Variants in STK11 observed in about 807,000 individuals in gnomAD.
STK11 encodes the protein serine/threonine kinase 11.
Under a neutral mutation model 47.3 loss-of-function variants are expected in STK11, and 8 were observed. That is an observed-to-expected ratio of 0.17 (90% CI 0.10 to 0.31). The LOEUF is 0.31. Among genes scored for constraint, STK11 ranks in the 10% least tolerant of loss-of-function variants. The pLI, the probability that STK11 is intolerant of heterozygous loss-of-function variation, is 1.00. For missense variants in STK11, 475 were observed against 605.0 expected (o/e 0.79, Z 2.25); for synonymous variants, 330 against 255.8 (o/e 1.29, Z -2.77).
chr19:1,224,150 TACAGTGTGGGGGCCCCCGAGAGC>T (rs1480713160), intron 8 of STK11: 3 of 986,154 alleles, frequency 3.0e-6, no homozygotes, highest in Admixed American at 6.2e-5. Context: ...CCCAGGAGAG[TACAGTGTGGGGGCCCCCGAGAGC>T]ACAGTGTATG....
rs562812784 is a variant in STK11 at position 1,222,266 on chromosome 19, G to A, written c.920+260G>A. Among the ~76,000 whole-genome samples, 186 of 152,334 alleles carry A rather than the reference G, an allele frequency of 1.2e-3. 1 individual carries two copies. The highest frequency in any genetic ancestry group is 2.0e-3 in the Non-Finnish European group (138 of 68,014). On this transcript the variant is annotated intron_variant, in intron 7 of 9. Coordinates refer to ENST00000326873, the MANE Select transcript of STK11 (RefSeq NM_000455.5). The stretch of plus-strand genomic sequence containing the variant: ...GTCCCTGCCCTAGGCATGGAGATGC[G>A]CCAGGAAGGGCACAGCTGGTCCCAA...
intron 1 of STK11, among the ~76,000 whole-genome samples, chr19:1,217,995 T>C (rs569755956): frequency 3.3e-5 from 5 of 152,050 alleles, no homozygotes; most frequent in Non-Finnish European, 5.9e-5. Context: ...TACAAAAAAA[T>C]TAGCCGGCTG....
intron 1 of STK11, among the ~76,000 whole-genome samples, chr19:1,215,003 G>A (rs2080735951): frequency 6.6e-6 from 1 of 152,234 alleles, no homozygotes; most frequent in Non-Finnish European, 1.5e-5. Flanking sequence ...TAGAAGGCAA[G>A]TCTTGCCTCC....
At chr19:1,213,530 C>T (rs1054805386) in intron 1 of STK11, among the ~76,000 whole-genome samples, 3 of 152,244 alleles carry the variant, frequency 2.0e-5, no homozygotes, top group African/African-American at 7.2e-5. Flanking sequence ...CACCGCGTGG[C>T]CTTTTGCGTC....
At chr19:1,218,982 G>A (rs1426857729) in intron 2 of STK11, among the ~76,000 whole-genome samples, 1 of 152,158 alleles carries the variant, frequency 6.6e-6, no homozygotes, top group Non-Finnish European at 1.5e-5. Flanking sequence ...TGAGCCACGC[G>A]GTCAGGGGCC....
Position 1,228,138 on chromosome 19 carries a change from G to A in STK11, c.*562G>A, listed in dbSNP as rs2080841441. 9.4e-6 allele frequency: 10 copies of A among 1,065,146 alleles called. No homozygotes were observed. The South Asian group carries it at 2.3e-4, about 24-fold the overall frequency. The allele number at this position is 1,065,146 out of a possible 1,614,324, so 66.0% of individuals were successfully genotyped here. ...TGTTTGGGAGCTGCTGGGTGGCAGG[G>A]GGGCTGTGGGGTCGGGCTCACGTCG... On this transcript the variant is annotated 3_prime_UTR_variant, in exon 10 of 10. Coordinates refer to ENST00000326873, the MANE Select transcript of STK11 (RefSeq NM_000455.5).
intron 1 of STK11, among the ~76,000 whole-genome samples, chr19:1,208,793 T>G (rs2080688686): frequency 6.7e-6 from 1 of 148,780 alleles, no homozygotes; most frequent in Non-Finnish European, 1.5e-5. Flanking sequence ...AATTTTTTTT[T>G]TTTTTTTTTA....
At chr19:1,222,875 C>T (rs2080794801) in intron 7 of STK11, 110 bp from the exon 8 acceptor site, 2 of 1,301,364 alleles carry the variant, frequency 1.5e-6, no homozygotes, top group Admixed American at 2.6e-5. Flanking sequence ...ACGGCCTGGT[C>T]CCAGCTCCTG....
rs567461981 is a variant in STK11, at chr19:1,227,150, G to A, written c.*17-443G>A. 605 of 164,626 alleles carry A rather than the reference G, an allele frequency of 3.7e-3. 1 individual carries two copies. Among genetic ancestry groups the A allele is most frequent in the Admixed American group, 5.6e-3 (86 of 15,482 alleles). The allele number at this position is 164,626 out of a possible 1,614,324, so 10.2% of individuals were successfully genotyped here. ...CTGAGGCTGAGTCGTGCCGGACGCT[G>A]CCCTGTCTCTCCCTGTGTGCCTGCC... is the stretch of plus-strand genomic sequence containing the variant. On this transcript the variant is annotated intron_variant, in intron 9 of 9. Transcript: ENST00000326873.
At chr19:1,222,899 T>G (rs1599929155) in intron 7 of STK11, 86 bp from the exon 8 acceptor site, 2 of 1,421,556 alleles carry the variant, frequency 1.4e-6, no homozygotes, top group Non-Finnish European at 1.9e-6. Context: ...GTGTGGCAGG[T>G]ACCCTGGGCC....
At chr19:1,222,423 C>T (rs1233142603) in intron 7 of STK11, among the ~76,000 whole-genome samples, 3 of 152,200 alleles carry the variant, frequency 2.0e-5, no homozygotes, top group African/African-American at 7.2e-5. Context: ...GCAGGCCCCA[C>T]AGTGCCGCCT....
rs1437704901 is a variant in STK11 at position 1,225,152 on chromosome 19, G to A, written c.1109-1302G>A. On this transcript the variant is annotated intron_variant, in intron 8 of 9. Transcript: ENST00000326873. ...TGGGGTGGGGCAAGGGCCCAGTGGC[G>A]GCTGTGCCCGCTGATGCAGAGCTGG... 1.6e-5 allele frequency: 16 copies of A among 985,494 alleles called. No individual in the cohort carries two copies. The South Asian group carries it at 3.8e-4, about 23-fold the overall frequency. 61.0% of individuals were successfully genotyped at this position (985,494 alleles called of 1,614,324 possible).
chr19:1,227,474 C>A (rs974642854), intron 9 of STK11, 119 bp from the exon 10 acceptor site: 52 of 1,031,888 alleles, frequency 5.0e-5, no homozygotes, highest in Non-Finnish European at 6.1e-5. Flanking sequence ...CCCCTGCTGC[C>A]CCCCAGGAGT....
chr19:1,219,198 G>A (rs985990061), intron 2 of STK11, 126 bp from the exon 3 acceptor site: 2 of 1,114,444 alleles, frequency 1.8e-6, no homozygotes, highest in South Asian at 1.4e-5. Flanking sequence ...GGGCAGGGTG[G>A]GCCCTGGTCC....
chr19:1,213,362 C>G (rs2080724716), intron 1 of STK11, among the ~76,000 whole-genome samples: 1 of 152,138 alleles, frequency 6.6e-6, no homozygotes. Flanking sequence ...GCACAACTAT[C>G]ACCTCTATCA....
chr19:1,223,918 GGGGCT>G, intron 8 of STK11: 12 of 1,013,826 alleles, frequency 1.2e-5, no homozygotes, highest in Non-Finnish European at 1.4e-5. Flanking sequence ...GGAGCCTGAG[GGGGCT>G]TTCTGCTTTA....
chr19:1,221,513 G>C, intron 6 of STK11, 173 bp downstream of exon 6: 1 of 1,001,002 alleles, frequency 1.0e-6, no homozygotes, highest in Non-Finnish European at 1.4e-6. Flanking sequence ...AGGTCCCTCA[G>C]CTCCACCCTG....
chr19:1,214,660 A>T (rs1288372985), intron 1 of STK11, among the ~76,000 whole-genome samples: 1 of 152,180 alleles, frequency 6.6e-6, no homozygotes, highest in South Asian at 2.1e-4. Flanking sequence ...CTGAGGCTGC[A>T]TGCAGGTTGA....
At chr19:1,219,527 AGTTTTTTT>A (rs988609018) in intron 3 of STK11, 114 bp downstream of exon 3, 98 of 1,191,102 alleles carry the variant, frequency 8.2e-5, no homozygotes, top group Admixed American at 3.1e-4. Context: ...TGAAGGCCCA[AGTTTTTTT>A]GTTTTTTTGT....
Sources: allele counts gnomAD v4.1 joint callset (sites outside exome capture counted in the v4.1 genomes callset), GRCh38; gene constraint gnomAD v4.1.1; transcripts MANE v1.5; gene names NCBI Gene and HGNC (gene_info 2026-07-23, HGNC 2026-07-21).